Variants in PKHD1 observed in about 807,000 individuals in gnomAD.
PKHD1 encodes the protein fibrocystin.
A neutral mutation model predicts 412.0 loss-of-function variants in PKHD1; 291 were observed. The observed-to-expected ratio is 0.71, with a 90% CI of 0.64 to 0.78. The LOEUF is 0.78. Ranked by LOEUF, PKHD1 falls within the 30% of genes least tolerant of loss-of-function variation. PKHD1 has a pLI of 0.00. For missense variants in PKHD1, 4,825 were observed against 4,950.7 expected (o/e 0.97, Z 0.76); for synonymous variants, 1,777 against 1,821.5 (o/e 0.98, Z 0.62).
chr6:51,963,463 T>TA (rs1323642462), intron 35 of PKHD1, among the ~76,000 whole-genome samples: 9 of 152,108 alleles, frequency 5.9e-5, no homozygotes, highest in Non-Finnish European at 1.3e-4. Context: ...TACTAAATAC[T>TA]AAAAAATCTA....
Position 51,912,556 on chromosome 6 carries a change from C to G in PKHD1, c.6142G>C (p.Val2048Leu). ...SLHGSLPEVI[V>L]TCLRATAHAL... ...TGGGCAGTTGCTCTAAGACAGGTGA[C>G]AATTACTTCTGGTAGTGAACCTAAA... Residue 2048 changes from valine (V) to leucine (L), a missense_variant, in exon 38 of 67, where the codon GTC becomes CTC. Coordinates refer to ENST00000371117, the MANE Select transcript of PKHD1 (RefSeq NM_138694.4). 1 of 1,612,598 alleles carries G rather than the reference C, an allele frequency of 6.2e-7. No individual in the cohort carries two copies. The highest frequency in any genetic ancestry group is 8.5e-7 in the Non-Finnish European group (1 of 1,178,914).
rs139267185 is a variant in PKHD1, at chr6:51,823,015, A to G, written c.8302+7846T>C. Among the ~76,000 whole-genome samples the G allele has an allele frequency of 4.4e-3, 663 of 152,136 alleles. 8 individuals are homozygous for G. The highest frequency in any genetic ancestry group is 0.015 in the African/African-American group (624 of 41,518). ...TGAAATCCTGGGGAAAGTAATGCAT[A>G]GTTTCTTTAAGAAATAGTTGTAAAC... On this transcript the variant is annotated intron_variant, in intron 52 of 66. Transcript: ENST00000371117.
chr6:51,742,828 G>C (rs1356156659), intron 60 of PKHD1, among the ~76,000 whole-genome samples: 1 of 152,100 alleles, frequency 6.6e-6, no homozygotes, highest in Non-Finnish European at 1.5e-5. Context: ...AAGCACAGTA[G>C]AGCTACAGAA....
At chr6:51,914,435 T>C (rs533747452) in intron 37 of PKHD1, among the ~76,000 whole-genome samples, 1 of 152,138 alleles carries the variant, frequency 6.6e-6, no homozygotes, top group Admixed American at 6.6e-5. Flanking sequence ...GGATGTTTAA[T>C]GAGTGTTGGC....
chr6:51,922,726 T>C lies in PKHD1; in HGVS notation c.6122-10150A>G, dbSNP rs148966281. Among the ~76,000 whole-genome samples, 373 of 152,322 alleles carry C rather than the reference T, an allele frequency of 2.4e-3. 2 individuals are homozygous for C. Among genetic ancestry groups the C allele is most frequent in the African/African-American group, 8.6e-3 (358 of 41,578 alleles). ...TGTGCTAGCAGTGAGCAAGGATCCA[T>C]GGGCATGGGACCCTCCGAGCCAGGC... On this transcript the variant is annotated intron_variant, in intron 37 of 66. Coordinates refer to ENST00000371117, the MANE Select transcript of PKHD1 (RefSeq NM_138694.4).
At chr6:51,662,090 CAAT>C (rs1410613858) in intron 60 of PKHD1, among the ~76,000 whole-genome samples, 1 of 151,664 alleles carries the variant, frequency 6.6e-6, no homozygotes, top group Non-Finnish European at 1.5e-5. Flanking sequence ...ATATTTAAAA[CAAT>C]AATAATTATA....
chr6:51,671,242 C>A (rs992507243), intron 60 of PKHD1, among the ~76,000 whole-genome samples: 1 of 151,942 alleles, frequency 6.6e-6, no homozygotes, highest in Non-Finnish European at 1.5e-5. Flanking sequence ...AGGCTTTGCT[C>A]GTTTCTTTTT....
At chr6:51,846,456 T>C (rs1347943294) in intron 50 of PKHD1, among the ~76,000 whole-genome samples, 1 of 152,192 alleles carries the variant, frequency 6.6e-6, no homozygotes, top group Non-Finnish European at 1.5e-5. Context: ...TATAACAAAA[T>C]TGTCACTCTT....
intron 60 of PKHD1, among the ~76,000 whole-genome samples, chr6:51,677,543 A>G (rs17667879): frequency 0.024 from 3,640 of 152,298 alleles, 56 homozygotes; most frequent in Non-Finnish European, 0.038. Flanking sequence ...AATCTCGCCA[A>G]AGTTTTGTAG....
intron 37 of PKHD1, among the ~76,000 whole-genome samples, chr6:51,929,300 G>A (rs995405918): frequency 6.6e-6 from 1 of 152,124 alleles, no homozygotes; most frequent in African/African-American, 2.4e-5. Context: ...ACCTCAAAAG[G>A]ATCCATACAC....
chr6:51,944,775 G>T (rs146652957), intron 36 of PKHD1, among the ~76,000 whole-genome samples: 236 of 152,288 alleles, frequency 1.5e-3, no homozygotes, highest in Non-Finnish European at 2.1e-3. Flanking sequence ...TTGACGAATT[G>T]ATTTTGTCTG....
At chr6:52,031,811 C>T (rs1189490221) in intron 29 of PKHD1, among the ~76,000 whole-genome samples, 2 of 152,176 alleles carry the variant, frequency 1.3e-5, no homozygotes, top group African/African-American at 4.8e-5. Flanking sequence ...TTTTATTCTG[C>T]TTGTAGAAAG....
In PKHD1 at chr6:52,083,237, T is replaced by A; in HGVS notation, c.71A>T (p.His24Leu). Residue 24 changes from histidine to leucine, a missense_variant, in exon 3 of 67, where the codon CAT (histidine) becomes CTT (leucine). By Grantham distance (99) the His-to-Leu change is moderately conservative. Coordinates refer to ENST00000371117, the MANE Select transcript of PKHD1 (RefSeq NM_138694.4). The stretch of plus-strand genomic sequence containing the variant: ...AAGGCTACCTTCTTCAGGTTCAATA[T>A]GTAAACTCAGGTGACGTACTGTAAG... ...LLLAVRHLSL[H>L]IEPEEGSLAG... is the part of the protein sequence containing the mutation. The A allele has an allele frequency of 6.2e-7, 1 of 1,609,762 alleles. No homozygotes were observed. Among genetic ancestry groups the A allele is most frequent in the Non-Finnish European group, 8.5e-7 (1 of 1,175,994 alleles).
At chr6:51,637,579 C>T (rs1768743397) in intron 64 of PKHD1, among the ~76,000 whole-genome samples, 1 of 150,858 alleles carries the variant, frequency 6.6e-6, no homozygotes, top group South Asian at 2.1e-4. Flanking sequence ...ATAATATTAT[C>T]TGATCTCAGA....
At chr6:51,905,573 A>C (rs1781951348) in intron 41 of PKHD1, among the ~76,000 whole-genome samples, 1 of 152,180 alleles carries the variant, frequency 6.6e-6, no homozygotes, top group African/African-American at 2.4e-5. Context: ...AGTATGGAGA[A>C]AGAGAAAAAA....
At chr6:51,868,160 TA>T in intron 47 of PKHD1, 51 bp from the exon 48 acceptor site, 1 of 1,445,312 alleles carries the variant, frequency 6.9e-7, no homozygotes, top group South Asian at 1.1e-5. Context: ...AAATAGCAAC[TA>T]AATTCACTGG....
chr6:51,618,944 A>T lies in PKHD1; in HGVS notation c.*137T>A. ...ATTTATATGACTGTTTTCCATTTTA[A>T]AGTTGAAAAAGGGATTCAGAGTCCA... is the stretch of plus-strand genomic sequence containing the variant. On this transcript the variant is annotated 3_prime_UTR_variant, in exon 67 of 67. Coordinates refer to ENST00000371117, the MANE Select transcript of PKHD1 (RefSeq NM_138694.4). The T allele has an allele frequency of 1.2e-6, 1 of 817,290 alleles. No individual in the cohort carries two copies. Among genetic ancestry groups the T allele is most frequent in the Non-Finnish European group, 2.1e-6 (1 of 480,930 alleles). The allele number at this position is 817,290 out of a possible 1,614,324, so 50.6% of individuals were successfully genotyped here. A position where few individuals can be genotyped will look rare whatever the true frequency, so the allele number is the denominator to read the frequency against.
At chr6:51,969,217 G>A (rs1293493596) in intron 35 of PKHD1, among the ~76,000 whole-genome samples, 1 of 152,114 alleles carries the variant, frequency 6.6e-6, no homozygotes, top group Non-Finnish European at 1.5e-5. Context: ...AGTGGTCACA[G>A]CCAACAGCCA....
intron 12 of PKHD1, 150 bp from the exon 13 acceptor site, chr6:52,065,200 G>GAGAGAGAGAGAC (rs1468794278): frequency 1.3e-4 from 22 of 168,974 alleles, no homozygotes; most frequent in East Asian, 3.2e-4. Flanking sequence ...GAGAGAGACA[G>GAGAGAGAGAGAC]AGAGAGAGAG....
Sources: allele counts gnomAD v4.1 joint callset (sites outside exome capture counted in the v4.1 genomes callset), GRCh38; gene constraint gnomAD v4.1.1; transcripts MANE v1.5; gene names NCBI Gene and HGNC (gene_info 2026-07-23, HGNC 2026-07-21).